The following NCAPG2 variants were observed in gnomAD, a reference collection of about 807,000 sequenced individuals.
The protein encoded by NCAPG2 is condensin-2 complex subunit G2.
Under a neutral mutation model 141.1 loss-of-function variants are expected in NCAPG2, and 53 were observed. The observed-to-expected ratio is 0.38, with a 90% CI of 0.30 to 0.47. NCAPG2 has a LOEUF of 0.47. NCAPG2 is among the 20% of genes least tolerant of loss of function. The probability of loss-of-function intolerance (pLI) is 0.99; values close to 1 mark genes in which losing one functional copy is unlikely to be tolerated. For synonymous variants in NCAPG2, 499 were observed against 490.7 expected (o/e 1.02, Z -0.22); for missense variants, 1,087 against 1,389.0 (o/e 0.78, Z 3.46).
chr7:158,681,954 T>C (rs1386736784), intron 9 of NCAPG2, among the ~76,000 whole-genome samples: 1 of 152,182 alleles, frequency 6.6e-6, no homozygotes, highest in Non-Finnish European at 1.5e-5. Flanking sequence ...ATAAATTTAA[T>C]AGTTATCAAA....
At chr7:158,685,566 C>A (rs1467796757) in intron 8 of NCAPG2, among the ~76,000 whole-genome samples, 1 of 152,142 alleles carries the variant, frequency 6.6e-6, no homozygotes, top group East Asian at 1.9e-4. Flanking sequence ...CACTTTAAAT[C>A]ATCTCTAGAT....
At chr7:158,677,761 A>G (rs1219948863) in intron 11 of NCAPG2, among the ~76,000 whole-genome samples, 1 of 152,216 alleles carries the variant, frequency 6.6e-6, no homozygotes, top group East Asian at 1.9e-4. Flanking sequence ...ATGACAGCAC[A>G]TGACTTGCAA....
In NCAPG2 at chr7:158,690,673, A is replaced by C; in HGVS notation, c.432T>G (p.Ile144Met). The C allele has an allele frequency of 6.8e-6, 11 of 1,614,148 alleles. No individual in the cohort carries two copies. The highest frequency in any genetic ancestry group is 9.3e-6 in the Non-Finnish European group (11 of 1,179,942). Residue 144 changes from isoleucine (I) to methionine (M), a missense_variant, in exon 5 of 28, where the codon ATT (isoleucine) becomes ATG (methionine). Ile to Met is a conservative substitution (Grantham distance 10). Transcript: ENST00000356309. ...CCCACCAGGTAACACACAAATCCTG[A>C]ATAGAACTCTGTAGTTTTCGTTCAG... ...PESERKLQSS[I>M]QDLCVTWWEK...
At chr7:158,646,407 G>T in intron 25 of NCAPG2, 53 bp downstream of exon 25, 1 of 1,335,724 alleles carries the variant, frequency 7.5e-7, no homozygotes. Flanking sequence ...AAAAGCTGCT[G>T]AGCGCTTACA....
intron 26 of NCAPG2, among the ~76,000 whole-genome samples, chr7:158,644,618 A>G (rs1830871345): frequency 6.6e-6 from 1 of 152,204 alleles, no homozygotes; most frequent in South Asian, 2.1e-4. Context: ...CACCCCATGA[A>G]GCCATGAGAG....
chr7:158,636,941 C>CTCT (rs1222876888), intron 27 of NCAPG2, among the ~76,000 whole-genome samples: 2 of 151,676 alleles, frequency 1.3e-5, no homozygotes, highest in Admixed American at 6.6e-5. Context: ...ATTGGGTTTC[C>CTCT]TCTTCTTCTT....
chr7:158,634,747 A>G (rs547612465), intron 27 of NCAPG2, among the ~76,000 whole-genome samples: 2 of 152,344 alleles, frequency 1.3e-5, no homozygotes, highest in South Asian at 4.1e-4. Context: ...CTGCTACTGG[A>G]ACACTACTGC....
intron 13 of NCAPG2, among the ~76,000 whole-genome samples, chr7:158,670,901 G>A (rs986279348): frequency 2.0e-5 from 3 of 152,192 alleles, no homozygotes; most frequent in Admixed American, 1.3e-4. Flanking sequence ...AGAAGCTACT[G>A]TGTGGAGAAA....
At chr7:158,665,484 C>T (rs1412599471) in intron 13 of NCAPG2, 1 of 152,274 alleles carries the variant, frequency 6.6e-6, no homozygotes, top group Non-Finnish European at 1.5e-5. Flanking sequence ...CTGCCTCGGG[C>T]TCCTCACCTG....
chr7:158,667,407 CCTTACCCACTACTGGGTCCCTCCGCCCT>C (rs1563538918), intron 13 of NCAPG2, among the ~76,000 whole-genome samples: 51 of 44,468 alleles, frequency 1.1e-3, no homozygotes, highest in Middle Eastern at 0.019. Flanking sequence ...CCTCCGCCCT[CCTTACCCACTACTGGGTCCCTCCGCCCT>C]CCTTACCCAC....
chr7:158,660,072 C>T (rs1478672289), intron 16 of NCAPG2, among the ~76,000 whole-genome samples: 4 of 151,354 alleles, frequency 2.6e-5, no homozygotes, highest in Non-Finnish European at 5.9e-5. Flanking sequence ...CACTCCACTG[C>T]ACTCCAGCCT....
intron 2 of NCAPG2, among the ~76,000 whole-genome samples, chr7:158,694,880 C>G (rs531349212): frequency 6.6e-6 from 1 of 152,224 alleles, no homozygotes; most frequent in Non-Finnish European, 1.5e-5. Flanking sequence ...ACCCTCCTCC[C>G]CTTCAATTCT....
chr7:158,651,645 T>C (rs930787873), intron 23 of NCAPG2, among the ~76,000 whole-genome samples: 1 of 152,196 alleles, frequency 6.6e-6, no homozygotes, highest in African/African-American at 2.4e-5. Flanking sequence ...AGAACTGACA[T>C]GACATTGTTT....
Position 158,647,270 on chromosome 7 carries a change from T to C in NCAPG2, c.3076-707A>G, listed in dbSNP as rs537717792. 1.7e-4 allele frequency among the ~76,000 whole-genome samples: 26 copies of C among 152,334 alleles called. 1 individual carries two copies. Among genetic ancestry groups the C allele is most frequent in the African/African-American group, 5.3e-4 (22 of 41,586 alleles). On this transcript the variant is annotated intron_variant, in intron 24 of 27. Coordinates refer to ENST00000356309, the MANE Select transcript of NCAPG2 (RefSeq NM_017760.7). ...TCTTTGGGGGATTGGGAGGCTGTGC[T>C]AGGTGCTGTTGGAGGCTGAAGAGCA...
intron 8 of NCAPG2, 46 bp downstream of exon 8, chr7:158,686,126 A>G (rs1265507232): frequency 8.5e-7 from 1 of 1,183,216 alleles, no homozygotes; most frequent in East Asian, 2.7e-5. Flanking sequence ...TTTAGTAACT[A>G]AAATATAATA....
At chr7:158,647,417 T>C (rs73165310) in intron 24 of NCAPG2, among the ~76,000 whole-genome samples, 8,515 of 152,268 alleles carry the variant, frequency 0.056, 349 homozygotes, top group South Asian at 0.14. Flanking sequence ...CACAGTGAAG[T>C]ACTGCAAGTT....
chr7:158,667,413 CCACTACTGGGTCCCTCCGCCCTCCT>C, intron 13 of NCAPG2, among the ~76,000 whole-genome samples: 2 of 91,974 alleles, frequency 2.2e-5, no homozygotes, highest in South Asian at 7.2e-4. Context: ...CCCTCCTTAC[CCACTACTGGGTCCCTCCGCCCTCCT>C]TACCCACTAC....
intron 2 of NCAPG2, among the ~76,000 whole-genome samples, chr7:158,699,383 A>G (rs1237445347): frequency 4.6e-5 from 7 of 152,240 alleles, no homozygotes; most frequent in Admixed American, 4.6e-4. Context: ...CAATACATCA[A>G]GGAACAATTT....
chr7:158,648,847 G>GGACCACAACCACGC (rs1563505014), intron 24 of NCAPG2, among the ~76,000 whole-genome samples: 5 of 36,214 alleles, frequency 1.4e-4, no homozygotes, highest in African/African-American at 3.6e-4. Flanking sequence ...TACAACCACG[G>GGACCACAACCACGC]CAAATGGACT....
Sources: gnomAD v4.1 joint callset for allele counts (sites outside exome capture counted in the v4.1 genomes callset) on GRCh38, gnomAD v4.1.1 for gene constraint, MANE v1.5 for transcripts, NCBI Gene and HGNC (gene_info 2026-07-23, HGNC 2026-07-21) for gene names.